The following MITF variants were observed in gnomAD, a reference collection of about 807,000 sequenced individuals.
MITF encodes microphthalmia-associated transcription factor.
A neutral mutation model predicts 60.5 loss-of-function variants in MITF; 17 were observed. The observed-to-expected ratio is 0.28, with a 90% confidence interval of 0.19 to 0.42. The LOEUF (loss-of-function observed/expected upper bound fraction) is 0.42, where lower values mean the gene tolerates loss of function less well. Ranked by LOEUF, MITF falls within the 10% of genes least tolerant of loss-of-function variation. The pLI, the probability that MITF is intolerant of heterozygous loss-of-function variation, is 1.00. For synonymous variants in MITF, 260 were observed against 248.5 expected, an observed-to-expected ratio of 1.05 and a Z score of -0.43; for missense variants, 622 against 683.5, an observed-to-expected ratio of 0.91 and a Z score of 1.00.
chr3:69,879,053 G>A (rs2064419253), intron 1 of MITF, 81 bp from the exon 2 acceptor site: 2 of 1,114,932 alleles, frequency 1.8e-6, no homozygotes, highest in Admixed American at 1.7e-5. Flanking sequence ...ATAGTTTGGT[G>A]CAATTTAGGA....
In MITF at chr3:69,885,132, G is replaced by A. The variant is rs141709558; in HGVS notation, c.354+5749G>A. Among the ~76,000 whole-genome samples, 50 of 152,096 alleles carry A rather than the reference G, an allele frequency of 3.3e-4. No homozygotes were observed. The East Asian group carries it at 9.1e-3, about 28-fold the overall frequency. On this transcript the variant is annotated intron_variant, in intron 2 of 9. Coordinates refer to ENST00000352241, the MANE Select transcript of MITF (RefSeq NM_001354604.2). The stretch of plus-strand genomic sequence containing the variant: ...GTTGTGGATAGGGCCTGATGTACCT[G>A]GTGGACACTTGACTAGTAGCTAGTA...
chr3:69,782,554 TG>T (rs1559626631), intron 1 of MITF, among the ~76,000 whole-genome samples: 1 of 152,206 alleles, frequency 6.6e-6, no homozygotes, highest in Non-Finnish European at 1.5e-5. Flanking sequence ...TGATAAGCTG[TG>T]ACTCGAACCC....
At chr3:69,912,389 C>A (rs2065243423) in intron 2 of MITF, among the ~76,000 whole-genome samples, 1 of 152,036 alleles carries the variant, frequency 6.6e-6, no homozygotes, top group Admixed American at 6.6e-5. Flanking sequence ...ACTATTCTAT[C>A]ATTTACCACA....
At chr3:69,782,883 T>C (rs1277538283) in intron 1 of MITF, among the ~76,000 whole-genome samples, 1 of 152,216 alleles carries the variant, frequency 6.6e-6, no homozygotes, top group Non-Finnish European at 1.5e-5. Flanking sequence ...AGGTGAGTGT[T>C]TTTGTTTTGC....
At chr3:69,959,808 A>G (rs2066495902) in intron 9 of MITF, among the ~76,000 whole-genome samples, 1 of 152,204 alleles carries the variant, frequency 6.6e-6, no homozygotes, top group African/African-American at 2.4e-5. Flanking sequence ...TTCGCTGTTT[A>G]AAATGACCCC....
intron 1 of MITF, among the ~76,000 whole-genome samples, chr3:69,793,111 C>T (rs2062769249): frequency 6.9e-6 from 1 of 145,336 alleles, no homozygotes; most frequent in African/African-American, 2.5e-5. Flanking sequence ...TTTCCTGGGC[C>T]GAAGTGATCT....
intron 8 of MITF, among the ~76,000 whole-genome samples, chr3:69,957,215 AAC>A (rs2066421030): frequency 6.6e-6 from 1 of 152,166 alleles, no homozygotes; most frequent in South Asian, 2.1e-4. Flanking sequence ...TAGGACAACA[AAC>A]ACACAGTTTT....
chr3:69,938,998 A>G (rs2065907508), intron 3 of MITF, 100 bp from the exon 4 acceptor site: 2 of 1,555,308 alleles, frequency 1.3e-6, no homozygotes, highest in African/African-American at 2.7e-5. Context: ...TTGAAAGCTT[A>G]GTTCATCTTG....
chr3:69,910,340 T>C (rs2065196347), intron 2 of MITF, among the ~76,000 whole-genome samples: 1 of 152,168 alleles, frequency 6.6e-6, no homozygotes, highest in Non-Finnish European at 1.5e-5. Flanking sequence ...GGGGCCCTCA[T>C]GGAGAACCTC....
At chr3:69,741,395 A>G (rs1703524330) in intron 1 of MITF, among the ~76,000 whole-genome samples, 1 of 152,214 alleles carries the variant, frequency 6.6e-6, no homozygotes, top group African/African-American at 2.4e-5. Flanking sequence ...GACTGTTTGG[A>G]ACATTTCTGA....
At chr3:69,782,287 T>G (rs1202441345) in intron 1 of MITF, among the ~76,000 whole-genome samples, 2 of 152,226 alleles carry the variant, frequency 1.3e-5, no homozygotes, top group Non-Finnish European at 2.9e-5. Context: ...AAGCTCTTAA[T>G]TTTTGTTTAT....
chr3:69,776,265 G>A (rs1201206087), intron 1 of MITF, among the ~76,000 whole-genome samples: 2 of 152,166 alleles, frequency 1.3e-5, no homozygotes, highest in African/African-American at 2.4e-5. Flanking sequence ...CAGAATTATT[G>A]TGAGGATTTC....
At chr3:69,782,918 T>C (rs1029807430) in intron 1 of MITF, among the ~76,000 whole-genome samples, 2 of 152,176 alleles carry the variant, frequency 1.3e-5, no homozygotes, top group African/African-American at 4.8e-5. Context: ...ACATAAAAAT[T>C]AACACATTTC....
intron 1 of MITF, among the ~76,000 whole-genome samples, chr3:69,781,168 G>T (rs981707133): frequency 3.3e-5 from 5 of 151,652 alleles, no homozygotes; most frequent in Non-Finnish European, 7.4e-5. Flanking sequence ...GTAGCTATTT[G>T]GTGTCCAGTT....
intron 2 of MITF, among the ~76,000 whole-genome samples, chr3:69,912,019 A>G (rs1222709959): frequency 3.3e-5 from 5 of 152,240 alleles, no homozygotes; most frequent in South Asian, 2.1e-4. Flanking sequence ...ATGCCCATCA[A>G]TAAGGGAGTA....
intron 1 of MITF, among the ~76,000 whole-genome samples, chr3:69,841,645 G>A (rs769157671): frequency 1.3e-4 from 20 of 152,220 alleles, no homozygotes; most frequent in South Asian, 2.1e-4. Context: ...AGAGCACAGT[G>A]CTCAGCAGAA....
chr3:69,926,478 TAC>T (rs2065590803), intron 2 of MITF, among the ~76,000 whole-genome samples: 1 of 152,172 alleles, frequency 6.6e-6, no homozygotes, highest in African/African-American at 2.4e-5. Flanking sequence ...AGAGTGTCGG[TAC>T]TTATGAGAAG....
chr3:69,801,740 TTGAGGG>T (rs1394311705), intron 1 of MITF, among the ~76,000 whole-genome samples: 1 of 152,216 alleles, frequency 6.6e-6, no homozygotes, highest in African/African-American at 2.4e-5. Context: ...CAAGTATTTG[TTGAGGG>T]CCTACTGGGT....
intron 9 of MITF, among the ~76,000 whole-genome samples, chr3:69,960,981 C>T (rs1490291649): frequency 1.3e-5 from 2 of 152,182 alleles, no homozygotes; most frequent in Admixed American, 1.3e-4. Flanking sequence ...TGAAAGCCCT[C>T]CTTTCCCCTC....
Sources: gnomAD v4.1 joint callset for allele counts (sites outside exome capture counted in the v4.1 genomes callset) on GRCh38, gnomAD v4.1.1 for gene constraint, MANE v1.5 for transcripts, NCBI Gene and HGNC (gene_info 2026-07-23, HGNC 2026-07-21) for gene names.